The following DZIP1L variants were observed in gnomAD, a reference collection of about 807,000 sequenced individuals.
DZIP1L encodes the protein cilium assembly protein DZIP1L.
In DZIP1L, 90 loss-of-function variants were observed where a neutral mutation model predicts 88.7. The observed-to-expected ratio is 1.02, with a 90% CI of 0.86 to 1.21. The LOEUF is 1.21. Ranked by LOEUF, DZIP1L falls within the 50% of genes most tolerant of loss-of-function variation. The probability of loss-of-function intolerance (pLI) is 0.00; values close to 1 mark genes in which losing one functional copy is unlikely to be tolerated. For synonymous variants in DZIP1L, 363 were observed against 372.1 expected, an observed-to-expected ratio of 0.98 and a Z score of 0.28; for missense variants, 932 against 955.8, an observed-to-expected ratio of 0.98 and a Z score of 0.33.
chr3:138,089,522 A>G (rs1944104652), intron 5 of DZIP1L, among the ~76,000 whole-genome samples: 1 of 152,232 alleles, frequency 6.6e-6, no homozygotes, highest in African/African-American at 2.4e-5. Context: ...GTATCAGGGA[A>G]AAAGTTTTGA....
chr3:138,067,357 A>G (rs1206487778), intron 14 of DZIP1L, among the ~76,000 whole-genome samples, 174 bp downstream of exon 14: 1 of 152,250 alleles, frequency 6.6e-6, no homozygotes, highest in Non-Finnish European at 1.5e-5. Context: ...GCTATCCCAC[A>G]AAAAAATATC....
At chr3:138,089,177 G>C (rs1336253112) in intron 5 of DZIP1L, 1 of 985,288 alleles carries the variant, frequency 1.0e-6, no homozygotes, top group African/African-American at 1.7e-5. Context: ...GTAACTCCAA[G>C]TGCCTAAGTT....
At chr3:138,064,349 C>T in intron 15 of DZIP1L, 2 of 1,265,556 alleles carry the variant, frequency 1.6e-6, no homozygotes, top group Non-Finnish European at 2.0e-6. Context: ...AGAGTCAGCT[C>T]CGAAGCTCTC....
intron 9 of DZIP1L, 23 bp from the exon 10 acceptor site, chr3:138,080,643 G>C (rs1445144496): frequency 6.2e-7 from 1 of 1,611,726 alleles, no homozygotes; most frequent in Admixed American, 1.7e-5. Context: ...GGAACAGTTA[G>C]TGGCACCAGT....
At chr3:138,089,298 C>T (rs1944095341) in intron 5 of DZIP1L, 1 of 984,370 alleles carries the variant, frequency 1.0e-6, no homozygotes, top group Admixed American at 6.1e-5. Context: ...AATGCTTGAT[C>T]AGATGTATGC....
chr3:138,063,458 C>T lies in DZIP1L; in HGVS notation c.2143-481G>A, dbSNP rs116306690. ...AGAGGAGCTTGGGAGCAACAGGAGTCCTTCAGCCTGGAAGGGTCTGCACTG... is the reference window on the plus strand; with the variant it reads ...AGAGGAGCTTGGGAGCAACAGGAGTTCTTCAGCCTGGAAGGGTCTGCACTG... On this transcript the variant is annotated intron_variant, in intron 15 of 15. Coordinates refer to ENST00000327532, the MANE Select transcript of DZIP1L (RefSeq NM_173543.3). This position sits in a 1 kb window ranked among gnomAD's most constrained non-coding sequence, Gnocchi z 4.1. Among the ~76,000 whole-genome samples, 315 of 152,322 alleles carry T rather than the reference C, an allele frequency of 2.1e-3. 1 individual carries two copies. Among genetic ancestry groups the T allele is most frequent in the African/African-American group, 7.3e-3 (303 of 41,584 alleles).
rs190383126 is a variant in DZIP1L, at chr3:138,093,617, T to C, written c.709-1073A>G. 7.9e-4 allele frequency among the ~76,000 whole-genome samples: 121 copies of C among 152,372 alleles called. 1 individual carries two copies. The highest frequency in any genetic ancestry group is 5.9e-4 in the Non-Finnish European group (40 of 68,036). On this transcript the variant is annotated intron_variant, in intron 4 of 15. Coordinates refer to ENST00000327532, the MANE Select transcript of DZIP1L (RefSeq NM_173543.3). ...TGTTTAGTACAGTCACCTTCATCAA[T>C]TATCTTAGCTAGATCTCCAAGATAA...
intron 11 of DZIP1L, among the ~76,000 whole-genome samples, chr3:138,072,761 T>C (rs1470349126): frequency 6.6e-6 from 1 of 152,092 alleles, no homozygotes; most frequent in African/African-American, 2.4e-5. Flanking sequence ...AGGTTTGTGG[T>C]CTGGGGCAAG....
intron 2 of DZIP1L, among the ~76,000 whole-genome samples, chr3:138,100,226 G>T (rs1270866751): frequency 6.6e-6 from 1 of 152,160 alleles, no homozygotes; most frequent in African/African-American, 2.4e-5. Flanking sequence ...AATCAATTAT[G>T]CATGCTTGGT....
At chr3:138,076,077 G>C (rs967644243) in intron 11 of DZIP1L, among the ~76,000 whole-genome samples, 1 of 152,188 alleles carries the variant, frequency 6.6e-6, no homozygotes, top group African/African-American at 2.4e-5. Context: ...TGAGGAGTGG[G>C]CCCAGAAGCC....
rs2107726543 is a variant in DZIP1L, at chr3:138,063,852, T to A, written c.2142+776A>T. Among the ~76,000 whole-genome samples the A allele has an allele frequency of 6.6e-6, 1 of 152,336 alleles. No individual in the cohort carries two copies. The highest frequency in any genetic ancestry group is 2.1e-4 in the South Asian group (1 of 4,824). ...CTGTGGTAAAGAGCAGGGAGTGCTA[T>A]CAAAAACCAAAGAATGGTTGCCCAC... On this transcript the variant is annotated intron_variant, in intron 15 of 15. Coordinates refer to ENST00000327532, the MANE Select transcript of DZIP1L (RefSeq NM_173543.3). This position sits in a 1 kb window ranked among gnomAD's most constrained non-coding sequence, Gnocchi z 4.1.
Position 138,086,989 on chromosome 3 carries a change from T to C in DZIP1L, c.1034A>G (p.His345Arg), listed in dbSNP as rs745678956. ...TEWKRKVKEL[H>R]EEHMAEKKEL... ...TTTCTTCTCAGCCATGTGCTCTTCATGCAGTTCCTTCACTTTTCTTTTCCA... is the reference window on the plus strand; with the variant it reads ...TTTCTTCTCAGCCATGTGCTCTTCACGCAGTTCCTTCACTTTTCTTTTCCA... Residue 345 changes from histidine to arginine, a missense_variant, in exon 7 of 16, where the codon CAT becomes CGT. By Grantham distance (29) the His-to-Arg change is conservative. Coordinates refer to ENST00000327532, the MANE Select transcript of DZIP1L (RefSeq NM_173543.3). 6 of 1,614,190 alleles carry C rather than the reference T, an allele frequency of 3.7e-6. No individual in the cohort carries two copies. The East Asian group carries it at 8.9e-5, about 24-fold the overall frequency.
chr3:138,083,933 T>C (rs538105045), intron 8 of DZIP1L, among the ~76,000 whole-genome samples, 180 bp downstream of exon 8: 1 of 152,334 alleles, frequency 6.6e-6, no homozygotes, highest in South Asian at 2.1e-4. Context: ...ATCTTCAGCC[T>C]GGAAGGAGGC....
chr3:138,098,932 G>A (rs1944600769), intron 2 of DZIP1L, among the ~76,000 whole-genome samples: 1 of 152,120 alleles, frequency 6.6e-6, no homozygotes, highest in Non-Finnish European at 1.5e-5. Flanking sequence ...GATCACTTGA[G>A]CCCAGGAGTT....
At chr3:138,108,890 T>C (rs1248421083) in intron 1 of DZIP1L, among the ~76,000 whole-genome samples, 1 of 152,176 alleles carries the variant, frequency 6.6e-6, no homozygotes, top group Non-Finnish European at 1.5e-5. Flanking sequence ...CAAAGTGTGG[T>C]CTCTGGACCA....
chr3:138,108,966 A>G (rs571668050), intron 1 of DZIP1L, among the ~76,000 whole-genome samples: 3 of 152,210 alleles, frequency 2.0e-5, no homozygotes, highest in Non-Finnish European at 2.9e-5. Flanking sequence ...ATTTAGAACC[A>G]CTAAATCTGT....
intron 5 of DZIP1L, among the ~76,000 whole-genome samples, chr3:138,091,567 G>A (rs62280628): frequency 0.19 from 27,679 of 145,876 alleles, 2,988 homozygotes; most frequent in African/African-American, 0.28. Flanking sequence ...GCGGTGAGCC[G>A]ACACCACGCC....
Sources: allele counts gnomAD v4.1 joint callset (sites outside exome capture counted in the v4.1 genomes callset), GRCh38; gene constraint gnomAD v4.1.1; non-coding constraint Gnocchi (gnomAD v3.1); transcripts MANE v1.5; gene names NCBI Gene and HGNC (gene_info 2026-07-23, HGNC 2026-07-21).